CDKAL1: variants seen among roughly 807,000 people sequenced by gnomAD.
The protein encoded by CDKAL1 is threonylcarbamoyladenosine tRNA methylthiotransferase.
Under a neutral mutation model 68.2 loss-of-function variants are expected in CDKAL1, and 32 were observed. The observed-to-expected ratio is 0.47, with a 90% CI of 0.35 to 0.63. The LOEUF (loss-of-function observed/expected upper bound fraction) is 0.63, where lower values mean the gene tolerates loss of function less well. Among genes scored for constraint, CDKAL1 ranks in the 30% least tolerant of loss-of-function variants. CDKAL1 has a pLI of 0.00. For missense variants in CDKAL1, 606 were observed against 696.7 expected (o/e 0.87, Z 1.47); for synonymous variants, 234 against 244.3 (o/e 0.96, Z 0.39).
At chr6:20,930,928 A>T (rs2150673203) in intron 9 of CDKAL1, among the ~76,000 whole-genome samples, 1 of 151,042 alleles carries the variant, frequency 6.6e-6, no homozygotes, top group African/African-American at 2.4e-5. Context: ...TATTTTTAGT[A>T]GAGACGGGGT....
intron 5 of CDKAL1, among the ~76,000 whole-genome samples, chr6:20,737,971 T>G (rs944891405): frequency 2.6e-5 from 4 of 152,262 alleles, no homozygotes; most frequent in Non-Finnish European, 5.9e-5. Context: ...CATCTAGTTC[T>G]GAATTTGTAC....
intron 9 of CDKAL1, among the ~76,000 whole-genome samples, chr6:20,856,784 G>C (rs1391866788): frequency 6.6e-6 from 1 of 152,144 alleles, no homozygotes; most frequent in Non-Finnish European, 1.5e-5. Context: ...TTGTTTAATG[G>C]AATTTTAATA....
At chr6:21,214,703 C>T (rs1200440702) in intron 15 of CDKAL1, among the ~76,000 whole-genome samples, 1 of 152,152 alleles carries the variant, frequency 6.6e-6, no homozygotes, top group East Asian at 1.9e-4. Flanking sequence ...ACTCTATTTT[C>T]TCCATGGCAC....
chr6:21,027,483 C>G (rs531576860), intron 11 of CDKAL1, among the ~76,000 whole-genome samples: 23 of 152,136 alleles, frequency 1.5e-4, no homozygotes, highest in Non-Finnish European at 2.9e-4. Flanking sequence ...ATGTTCCCTT[C>G]AAAATTCATG....
Position 21,065,064 on chromosome 6 carries a change from A to T in CDKAL1, c.1072A>T (p.Ile358Phe), listed in dbSNP as rs1206681417. Residue 358 changes from isoleucine (I) to phenylalanine (F), a missense_variant, in exon 12 of 16, where the codon ATT becomes TTT. Ile to Phe is a conservative substitution (Grantham distance 21, BLOSUM62 0). Transcript: ENST00000274695. ...ATTTTCTAGAGTTCCTGGAATAACT[A>T]TTGCTACAGATATTATCTGTGGTTT... ...FLKEKVPGIT[I>F]ATDIICGFPG... 1 of 1,564,144 alleles carries T rather than the reference A, an allele frequency of 6.4e-7. No individual in the cohort carries two copies. The highest frequency in any genetic ancestry group is 1.9e-5 in the Admixed American group (1 of 52,242).
chr6:20,905,605 G>A lies in CDKAL1; in HGVS notation c.743-49814G>A, dbSNP rs924003480. 5.3e-5 allele frequency among the ~76,000 whole-genome samples: 8 copies of A among 152,096 alleles called. No individual in the cohort carries two copies. The East Asian group carries it at 5.8e-4, about 11-fold the overall frequency. ...ATCCCAGAAGCCCAACGAACTCTGA[G>A]TAGGATGAACTCAGAGACCCACATC... On this transcript the variant is annotated intron_variant, in intron 9 of 15. Transcript: ENST00000274695.
intron 15 of CDKAL1, among the ~76,000 whole-genome samples, chr6:21,203,479 G>A (rs562526850): frequency 1.7e-4 from 26 of 151,050 alleles, no homozygotes; most frequent in African/African-American, 4.9e-4. Flanking sequence ...CAGGTGATCC[G>A]CCCACTTCAG....
intron 9 of CDKAL1, among the ~76,000 whole-genome samples, chr6:20,946,985 G>T (rs192857457): frequency 2.8e-4 from 43 of 152,012 alleles, no homozygotes; most frequent in Admixed American, 8.5e-4. Context: ...TTAGTTTATT[G>T]TCTGTTTCAC....
chr6:20,780,596 C>T (rs1448649503), intron 7 of CDKAL1, among the ~76,000 whole-genome samples: 3 of 151,514 alleles, frequency 2.0e-5, no homozygotes, highest in Non-Finnish European at 4.4e-5. Context: ...TTCTGTTTCT[C>T]ATCTGTGCAA....
chr6:20,951,376 T>A (rs1158216219), intron 9 of CDKAL1, among the ~76,000 whole-genome samples: 1 of 152,210 alleles, frequency 6.6e-6, no homozygotes, highest in Non-Finnish European at 1.5e-5. Flanking sequence ...TCAAAGAGGA[T>A]TTTCTTTGTG....
chr6:20,989,395 T>C (rs1718748886), intron 10 of CDKAL1, among the ~76,000 whole-genome samples: 2 of 152,248 alleles, frequency 1.3e-5, no homozygotes, highest in Admixed American at 6.5e-5. Context: ...GTTAAATCAC[T>C]AGGCCATTTT....
At position 21,003,343 on chromosome 6, in the gene CDKAL1, AATATAT is replaced by A. The variant is rs71540608; in HGVS notation, c.1055+2995_1055+3000del. The stretch of plus-strand genomic sequence containing the variant: ...CAACATGGTGAAACCATCTCTACTA[AATATAT>A]ATATATATATATATATATATATACA... On this transcript the variant is annotated intron_variant, in intron 11 of 15. Coordinates refer to ENST00000274695, the MANE Select transcript of CDKAL1 (RefSeq NM_017774.3). 1.3e-3 allele frequency among the ~76,000 whole-genome samples: 53 copies of A among 40,446 alleles called. 4 individuals are homozygous for A. Among genetic ancestry groups the A allele is most frequent in the South Asian group, 2.5e-3 (3 of 1,184 alleles). 26.5% of individuals were successfully genotyped at this position (40,446 alleles called of 152,430 possible).
chr6:20,535,479 T>G (rs75615915), intron 2 of CDKAL1, 85 bp downstream of exon 2: 2,472 of 152,432 alleles, frequency 0.016, 25 homozygotes, highest in Non-Finnish European at 0.021. Context: ...GCCTAATGTT[T>G]TAGCTATTTG....
chr6:21,165,953 T>C (rs544167590), intron 13 of CDKAL1, among the ~76,000 whole-genome samples: 2 of 152,348 alleles, frequency 1.3e-5, no homozygotes, highest in South Asian at 4.1e-4. Context: ...ATTCACATCC[T>C]GGCTCTTCCA....
At chr6:21,109,521 G>A (rs1372663742) in intron 13 of CDKAL1, among the ~76,000 whole-genome samples, 5 of 152,152 alleles carry the variant, frequency 3.3e-5, no homozygotes, top group Admixed American at 3.3e-4. Flanking sequence ...CCAAAAACTC[G>A]TAAAAGAGAT....
intron 8 of CDKAL1, among the ~76,000 whole-genome samples, chr6:20,819,201 C>A (rs573445032): frequency 8.8e-5 from 13 of 147,192 alleles, no homozygotes; most frequent in African/African-American, 3.2e-4. Context: ...TATAAATAAG[C>A]TTAAATGCTT....
In CDKAL1 at chr6:20,893,128, C is replaced by T. The variant is rs9368252; in HGVS notation, c.742+46950C>T. Among the ~76,000 whole-genome samples the T allele has an allele frequency of 2.9e-3, 441 of 152,240 alleles. 22 individuals are homozygous for T. The East Asian group carries it at 0.061, about 21-fold the overall frequency. ...ATCCCAAAAACGCATCTCTCTGTGC[C>T]GCCTTATTTTTAATAGCTGGTATTT... On this transcript the variant is annotated intron_variant, in intron 9 of 15. Transcript: ENST00000274695.
intron 11 of CDKAL1, among the ~76,000 whole-genome samples, chr6:21,004,217 G>T (rs543430326): frequency 9.8e-5 from 15 of 152,304 alleles, no homozygotes; most frequent in South Asian, 2.1e-4. Flanking sequence ...AAGTGGAAGT[G>T]AAATCTTTTT....
intron 10 of CDKAL1, among the ~76,000 whole-genome samples, chr6:20,970,541 C>A (rs375158478): frequency 6.6e-6 from 1 of 152,142 alleles, no homozygotes; most frequent in Admixed American, 6.5e-5. Context: ...ATCTATCAGA[C>A]CATCAATATG....
Sources: allele counts gnomAD v4.1 joint callset (sites outside exome capture counted in the v4.1 genomes callset), GRCh38; gene constraint gnomAD v4.1.1; transcripts MANE v1.5; gene names NCBI Gene and HGNC (gene_info 2026-07-23, HGNC 2026-07-21).